WIPF2: variants seen among roughly 807,000 people sequenced by gnomAD.
WIPF2 encodes the protein WAS/WASL-interacting protein family member 2.
A neutral mutation model predicts 38.8 loss-of-function variants in WIPF2; 23 were observed. That is an observed-to-expected ratio of 0.59 (90% CI 0.43 to 0.84). The LOEUF is 0.84. Ranked by LOEUF, WIPF2 falls within the 40% of genes least tolerant of loss-of-function variation. The pLI, the probability that WIPF2 is intolerant of heterozygous loss-of-function variation, is 0.00. For synonymous variants in WIPF2, 210 were observed against 223.2 expected, an observed-to-expected ratio of 0.94 and a Z score of 0.53; for missense variants, 574 against 580.5, an observed-to-expected ratio of 0.99 and a Z score of 0.11.
At chr17:40,245,099 A>T (rs1043256908) in intron 1 of WIPF2, among the ~76,000 whole-genome samples, 1 of 152,214 alleles carries the variant, frequency 6.6e-6, no homozygotes, top group Admixed American at 6.5e-5. Flanking sequence ...TAGGCAACAT[A>T]GTCTGGACAA....
intron 2 of WIPF2, among the ~76,000 whole-genome samples, chr17:40,257,986 C>G (rs1263789045): frequency 6.6e-6 from 1 of 152,210 alleles, no homozygotes; most frequent in Non-Finnish European, 1.5e-5. Flanking sequence ...GAGTTCAGGT[C>G]TACCCACTTC....
chr17:40,276,563 T>C (rs2032407750), intron 6 of WIPF2, among the ~76,000 whole-genome samples: 2 of 149,478 alleles, frequency 1.3e-5, no homozygotes, highest in African/African-American at 2.4e-5. Context: ...TTCTTTCTGC[T>C]ACCATGCAAA....
chr17:40,283,203 C>G lies in WIPF2; in HGVS notation c.*4978C>G, dbSNP rs1376449216. The G allele has an allele frequency of 8.8e-6, 1 of 112,996 alleles. No homozygotes were observed. Among genetic ancestry groups the G allele is most frequent in the African/African-American group, 3.3e-5 (1 of 29,958 alleles). 7.0% of individuals were successfully genotyped at this position (112,996 alleles called of 1,614,324 possible). A position where few individuals can be genotyped will look rare whatever the true frequency, so the allele number is the denominator to read the frequency against. On this transcript the variant is annotated 3_prime_UTR_variant, in exon 8 of 8. Coordinates refer to ENST00000323571, the MANE Select transcript of WIPF2 (RefSeq NM_133264.5). ...AAAAAAAAAAAAAAATTCTAGAGTT[C>G]TAGTTACCCTTCCTGGGAGATTCTG...
Position 40,253,188 on chromosome 17 carries a change from A to G in WIPF2, c.-69-3203A>G, listed in dbSNP as rs888590326. On this transcript the variant is annotated intron_variant, in intron 1 of 7. Transcript: ENST00000323571. ...CGCCATTCTCCTGCCTCAGGCTCCCAAGTAGCTGGGACTACAGGTGTCTGC... is the reference window on the plus strand; with the variant it reads ...CGCCATTCTCCTGCCTCAGGCTCCCGAGTAGCTGGGACTACAGGTGTCTGC... Among the ~76,000 whole-genome samples the G allele has an allele frequency of 1.2e-4, 18 of 150,630 alleles. 1 individual carries two copies. Among genetic ancestry groups the G allele is most frequent in the Admixed American group, 8.6e-4 (13 of 15,040 alleles).
At chr17:40,245,957 A>G (rs2031347508) in intron 1 of WIPF2, among the ~76,000 whole-genome samples, 1 of 152,112 alleles carries the variant, frequency 6.6e-6, no homozygotes, top group African/African-American at 2.4e-5. Flanking sequence ...CAACACGTAT[A>G]GCCTTGTGTT....
At position 40,278,465 on chromosome 17, in the gene WIPF2, A is replaced by G; in HGVS notation, c.*240A>G. On this transcript the variant is annotated 3_prime_UTR_variant, in exon 8 of 8. Transcript: ENST00000323571. ...ACCCTGCATCCATCCTTCCTCCAGC[A>G]AGCCCTGCTAGCCACATGAGGAACA... 1 of 523,934 alleles carries G rather than the reference A, an allele frequency of 1.9e-6. No homozygotes were observed. The highest frequency in any genetic ancestry group is 3.1e-5 in the East Asian group (1 of 32,206). The allele number at this position is 523,934 out of a possible 1,614,324, so 32.5% of individuals were successfully genotyped here. A position where few individuals can be genotyped will look rare whatever the true frequency, so the allele number is the denominator to read the frequency against.
intron 1 of WIPF2, among the ~76,000 whole-genome samples, chr17:40,222,384 G>A (rs759465956): frequency 2.0e-5 from 3 of 151,154 alleles, no homozygotes; most frequent in Non-Finnish European, 4.4e-5. Flanking sequence ...AAGGCTGGGC[G>A]CGCTGGCTCA....
At chr17:40,234,825 G>A (rs542763087) in intron 1 of WIPF2, among the ~76,000 whole-genome samples, 1 of 152,192 alleles carries the variant, frequency 6.6e-6, no homozygotes, top group Admixed American at 6.5e-5. Flanking sequence ...CAAACCACAT[G>A]TCTGCCATCT....
At chr17:40,232,709 G>C (rs2030799602) in intron 1 of WIPF2, among the ~76,000 whole-genome samples, 1 of 148,022 alleles carries the variant, frequency 6.8e-6, no homozygotes, top group Admixed American at 6.8e-5. Flanking sequence ...GTGTGATCTC[G>C]GCTCACTGCA....
intron 5 of WIPF2, among the ~76,000 whole-genome samples, chr17:40,266,885 G>A (rs1410916174): frequency 2.6e-5 from 4 of 152,274 alleles, no homozygotes; most frequent in East Asian, 1.9e-4. Flanking sequence ...GTAACAAGAG[G>A]GGAGGCAGAG....
rs528714840 is a variant in WIPF2, at chr17:40,271,337, C to T, written c.971-2453C>T. Among the ~76,000 whole-genome samples, 3 of 152,266 alleles carry T rather than the reference C, an allele frequency of 2.0e-5. No homozygotes were observed. The South Asian group carries it at 6.2e-4, about 32-fold the overall frequency. ...TTAAGCTGAGTAGTCTCTTCACATA[C>T]TATTTAGGTCACAACTATTTATTGG... On this transcript the variant is annotated intron_variant, in intron 5 of 7. Transcript: ENST00000323571.
At chr17:40,271,659 A>G (rs145264861) in intron 5 of WIPF2, among the ~76,000 whole-genome samples, 2 of 152,300 alleles carry the variant, frequency 1.3e-5, no homozygotes, top group African/African-American at 4.8e-5. Flanking sequence ...TGCCTTGCCT[A>G]TTTTTATTTG....
intron 7 of WIPF2, among the ~76,000 whole-genome samples, chr17:40,277,683 A>G (rs1268790334): frequency 4.0e-5 from 6 of 149,082 alleles, no homozygotes; most frequent in Non-Finnish European, 7.4e-5. Context: ...TCCGTCTCAA[A>G]AAAAAAGAAA....
At position 40,262,549 on chromosome 17, in the gene WIPF2, A is replaced by G. The variant is rs1004428907; in HGVS notation, c.221A>G (p.Tyr74Cys). The G allele has an allele frequency of 3.5e-5, 57 of 1,613,916 alleles. No individual in the cohort carries two copies. The Admixed American group carries it at 5.2e-4, about 15-fold the overall frequency. ...GAGCCGAAAGGAAGCAGTGGTGGCTATGGCTCTGGAGGAGCTGCCCTGCAG... is the reference window on the plus strand; with the variant it reads ...GAGCCGAAAGGAAGCAGTGGTGGCTGTGGCTCTGGAGGAGCTGCCCTGCAG... ...LEKPKGSSGG[Y>C]GSGGAALQPK... The change falls in exon 4 of 8, where the codon TAT (tyrosine) becomes TGT (cysteine). Residue 74 changes from tyrosine (Y) to cysteine (C), a missense_variant. Physicochemically the swap from Tyr to Cys is radical, Grantham distance 194 (BLOSUM62 -2). Coordinates refer to ENST00000323571, the MANE Select transcript of WIPF2 (RefSeq NM_133264.5).
chr17:40,235,765 G>A (rs2030944834), intron 1 of WIPF2, among the ~76,000 whole-genome samples: 1 of 151,408 alleles, frequency 6.6e-6, no homozygotes, highest in African/African-American at 2.4e-5. Flanking sequence ...TAGAGAACGG[G>A]TTTCTTCCAT....
intron 1 of WIPF2, among the ~76,000 whole-genome samples, chr17:40,240,944 C>CAA (rs199547902): frequency 0.15 from 13,376 of 86,804 alleles, 725 homozygotes; most frequent in East Asian, 0.38. Flanking sequence ...GACTCCGTCT[C>CAA]AAAAAAAAAA....
Position 40,219,784 on chromosome 17 carries a change from A to T in WIPF2, c.-70+292A>T, listed in dbSNP as rs149190468. 910 of 152,980 alleles carry T rather than the reference A, an allele frequency of 5.9e-3. 8 individuals carry two copies. Among genetic ancestry groups the T allele is most frequent in the Non-Finnish European group, 7.9e-3 (538 of 68,350 alleles). The allele number at this position is 152,980 out of a possible 1,614,324, so 9.5% of individuals were successfully genotyped here. On this transcript the variant is annotated intron_variant, in intron 1 of 7. Transcript: ENST00000323571. ...GGAAAAATGGGGAGGAACGTTTTTGAGAGACAGGCAATAAGGGCTCCTGAA... is the reference window on the plus strand; with the variant it reads ...GGAAAAATGGGGAGGAACGTTTTTGTGAGACAGGCAATAAGGGCTCCTGAA...
At chr17:40,220,493 T>A (rs1261905048) in intron 1 of WIPF2, 4 of 147,820 alleles carry the variant, frequency 2.7e-5, no homozygotes, top group Non-Finnish European at 6.0e-5. Context: ...CCTCCCGGGC[T>A]GAAGTGGTCC....
chr17:40,222,994 A>G (rs1476357098), intron 1 of WIPF2, among the ~76,000 whole-genome samples: 2 of 150,916 alleles, frequency 1.3e-5, no homozygotes, highest in Non-Finnish European at 2.9e-5. Context: ...TTTAACTCTT[A>G]TTAATGTCAA....
Sources: allele counts gnomAD v4.1 joint callset (sites outside exome capture counted in the v4.1 genomes callset), GRCh38; gene constraint gnomAD v4.1.1; transcripts MANE v1.5; gene names NCBI Gene and HGNC (gene_info 2026-07-23, HGNC 2026-07-21).